The following MCPH1 variants were observed in gnomAD, a reference collection of about 807,000 sequenced individuals.
MCPH1 encodes the protein microcephalin 1.
Under a neutral mutation model 84.5 loss-of-function variants are expected in MCPH1, and 104 were observed. That is an observed-to-expected ratio of 1.23 (90% CI 1.05 to 1.45). The LOEUF is 1.45. MCPH1 is among the 40% of genes most tolerant of loss of function. The probability of loss-of-function intolerance (pLI) is 0.00; values close to 1 mark genes in which losing one functional copy is unlikely to be tolerated. For missense variants in MCPH1, 1,498 were observed against 1,005.7 expected, an observed-to-expected ratio of 1.49 and a Z score of -6.62; for synonymous variants, 514 against 366.8, an observed-to-expected ratio of 1.40 and a Z score of -4.58.
At chr8:6,547,836 T>C (rs887331039) in intron 12 of MCPH1, among the ~76,000 whole-genome samples, 8 of 151,936 alleles carry the variant, frequency 5.3e-5, no homozygotes, top group Non-Finnish European at 1.2e-4. Flanking sequence ...GGCAGAGGTT[T>C]TCCTATTGTT....
intron 12 of MCPH1, among the ~76,000 whole-genome samples, chr8:6,542,376 TTGTG>T (rs892046037): frequency 2.0e-5 from 3 of 151,708 alleles, no homozygotes; most frequent in Non-Finnish European, 2.9e-5. Context: ...ATTCCAAAAC[TTGTG>T]TGTGTGTGTT....
chr8:6,630,289 A>C (rs1797060417), intron 13 of MCPH1, among the ~76,000 whole-genome samples: 1 of 152,214 alleles, frequency 6.6e-6, no homozygotes, highest in Admixed American at 6.5e-5. Flanking sequence ...TCCAGGAGAA[A>C]TACTAAGAAT....
At chr8:6,580,320 CCT>C (rs1827456797) in intron 12 of MCPH1, among the ~76,000 whole-genome samples, 1 of 152,026 alleles carries the variant, frequency 6.6e-6, no homozygotes, top group African/African-American at 2.4e-5. Context: ...CTCACAATTC[CCT>C]GATACAGCCG....
At chr8:6,527,773 T>C (rs1818619297) in intron 12 of MCPH1, 1 of 1,152,434 alleles carries the variant, frequency 8.7e-7, no homozygotes, top group Non-Finnish European at 1.2e-6. Flanking sequence ...CAGGAAAACA[T>C]AACAAAAACA....
At chr8:6,637,719 C>T (rs1008379569) in intron 13 of MCPH1, among the ~76,000 whole-genome samples, 1 of 152,216 alleles carries the variant, frequency 6.6e-6, no homozygotes, top group Non-Finnish European at 1.5e-5. Context: ...TTTTGAACTC[C>T]TGGGCTCAAC....
chr8:6,523,890 A>C (rs1372095341), intron 12 of MCPH1, among the ~76,000 whole-genome samples: 2 of 144,006 alleles, frequency 1.4e-5, no homozygotes, highest in Non-Finnish European at 3.1e-5. Context: ...CCTGGCTGGC[A>C]TTTTTTTTTT....
chr8:6,596,659 A>G (rs1828948423), intron 12 of MCPH1, among the ~76,000 whole-genome samples: 1 of 152,156 alleles, frequency 6.6e-6, no homozygotes, highest in Non-Finnish European at 1.5e-5. Flanking sequence ...ACAGGGGCCC[A>G]GGAGACAGTA....
At chr8:6,489,803 C>T (rs2979661) in intron 11 of MCPH1, among the ~76,000 whole-genome samples, 5,097 of 152,060 alleles carry the variant, frequency 0.034, 269 homozygotes, top group African/African-American at 0.11. Context: ...TTGAGTGTGG[C>T]CTTGGGAAGC....
intron 9 of MCPH1, among the ~76,000 whole-genome samples, chr8:6,465,023 G>T (rs890584172): frequency 3.3e-5 from 5 of 151,762 alleles, no homozygotes; most frequent in Non-Finnish European, 7.4e-5. Flanking sequence ...GAAAAATTCT[G>T]CTGGTAGGCA....
At chr8:6,504,466 T>G (rs956346193) in intron 12 of MCPH1, among the ~76,000 whole-genome samples, 1 of 152,152 alleles carries the variant, frequency 6.6e-6, no homozygotes, top group Non-Finnish European at 1.5e-5. Flanking sequence ...ACATCCGGTC[T>G]CCTGATCACT....
chr8:6,417,573 C>T (rs1002934867), intron 3 of MCPH1, among the ~76,000 whole-genome samples: 1 of 151,928 alleles, frequency 6.6e-6, no homozygotes, highest in Non-Finnish European at 1.5e-5. Context: ...CTTTTTTCTC[C>T]ATCAAATCCA....
At chr8:6,455,974 G>A (rs968434156) in intron 9 of MCPH1, among the ~76,000 whole-genome samples, 1 of 152,162 alleles carries the variant, frequency 6.6e-6, no homozygotes, top group African/African-American at 2.4e-5. Flanking sequence ...GGGGCTTCCA[G>A]GTCCTGATAC....
At chr8:6,505,514 ATATATATTCTTTATATATGTATATAT>A (rs2129564473) in intron 12 of MCPH1, among the ~76,000 whole-genome samples, 7 of 5,206 alleles carry the variant, frequency 1.3e-3, no homozygotes, top group Admixed American at 4.4e-3. Flanking sequence ...TATATATAGA[ATATATATTCTTTATATATGTATATAT>A]AGAATATATA....
At chr8:6,440,456 G>A (rs1803342225) in intron 6 of MCPH1, among the ~76,000 whole-genome samples, 1 of 152,114 alleles carries the variant, frequency 6.6e-6, no homozygotes, top group Non-Finnish European at 1.5e-5. Context: ...ATGCACTCCT[G>A]GGCTCAAGTA....
chr8:6,444,249 G>A, intron 7 of MCPH1, 144 bp from the exon 8 acceptor site: 1 of 924,196 alleles, frequency 1.1e-6, no homozygotes, highest in Non-Finnish European at 1.6e-6. Flanking sequence ...ACCCTTAAGT[G>A]GAAATGAGAA....
intron 12 of MCPH1, among the ~76,000 whole-genome samples, chr8:6,521,873 A>G (rs566354288): frequency 8.5e-5 from 13 of 152,332 alleles, no homozygotes; most frequent in Non-Finnish European, 1.2e-4. Context: ...TAATAATAGC[A>G]CTTAATGCTA....
At chr8:6,626,388 G>C (rs1303355374) in intron 13 of MCPH1, 1 of 984,414 alleles carries the variant, frequency 1.0e-6, no homozygotes. Flanking sequence ...TTTTTTCCCT[G>C]AAACTGTATT....
chr8:6,632,226 GT>G (rs1471332045), intron 13 of MCPH1, among the ~76,000 whole-genome samples: 4 of 152,208 alleles, frequency 2.6e-5, no homozygotes, highest in African/African-American at 9.6e-5. Flanking sequence ...CAGAGACTCA[GT>G]TTTGGATAAT....
At chr8:6,538,793 A>T (rs1353990068) in intron 12 of MCPH1, among the ~76,000 whole-genome samples, 1 of 152,220 alleles carries the variant, frequency 6.6e-6, no homozygotes, top group Non-Finnish European at 1.5e-5. Flanking sequence ...AGAATCCTCA[A>T]ACTCTGCAAC....
Sources: allele counts gnomAD v4.1 joint callset (sites outside exome capture counted in the v4.1 genomes callset), GRCh38; gene constraint gnomAD v4.1.1; transcripts MANE v1.5; gene names NCBI Gene and HGNC (gene_info 2026-07-23, HGNC 2026-07-21).